Variants in WDFY4 observed in about 807,000 individuals in gnomAD.
WDFY4 encodes the protein WDFY family member 4, also known as WD repeat- and FYVE domain-containing protein 4.
In WDFY4, 169 loss-of-function variants were observed where a neutral mutation model predicts 351.9. The observed-to-expected ratio is 0.48, with a 90% CI of 0.42 to 0.55. The LOEUF (loss-of-function observed/expected upper bound fraction) is 0.55. Among genes scored for constraint, WDFY4 ranks in the 20% least tolerant of loss-of-function variants. The pLI, the probability that WDFY4 is intolerant of heterozygous loss-of-function variation, is 0.00. For synonymous variants in WDFY4, 1,622 were observed against 1,574.6 expected (o/e 1.03, Z -0.71); for missense variants, 3,803 against 3,935.6 (o/e 0.97, Z 0.90).
chr10:48,803,412 A>T, intron 25 of WDFY4, 53 bp downstream of exon 25: 1 of 1,533,266 alleles, frequency 6.5e-7, no homozygotes, highest in South Asian at 1.2e-5. Context: ...GAATGTCCAG[A>T]ACAGAGACAG....
At chr10:48,809,692 C>A (rs111318849) in intron 28 of WDFY4, among the ~76,000 whole-genome samples, 7,431 of 152,302 alleles carry the variant, frequency 0.049, 626 homozygotes, top group African/African-American at 0.17. Context: ...TCATCACCAT[C>A]ATTATCAACA....
At chr10:48,778,967 G>A in intron 18 of WDFY4, 135 bp downstream of exon 18, 2 of 983,870 alleles carry the variant, frequency 2.0e-6, no homozygotes, top group Non-Finnish European at 3.0e-6. Flanking sequence ...TTGCTCCCTT[G>A]GGTTCCATAC....
At chr10:48,751,553 G>T (rs1453210923) in intron 12 of WDFY4, among the ~76,000 whole-genome samples, 1 of 152,160 alleles carries the variant, frequency 6.6e-6, no homozygotes, top group Non-Finnish European at 1.5e-5. Flanking sequence ...TGATGAGAGT[G>T]TGAGAGAGAC....
At chr10:48,918,326 T>G (rs1838737631) in intron 47 of WDFY4, among the ~76,000 whole-genome samples, 1 of 152,184 alleles carries the variant, frequency 6.6e-6, no homozygotes, top group Non-Finnish European at 1.5e-5. Context: ...AATTGTATGT[T>G]GTCTATAAAG....
intron 60 of WDFY4, chr10:48,980,113 A>G (rs1042366845): frequency 5.9e-5 from 9 of 152,170 alleles, no homozygotes; most frequent in African/African-American, 2.2e-4. Context: ...CTGCCACCCC[A>G]TTGGACTGAC....
At chr10:48,721,114 A>G (rs2064071803) in intron 3 of WDFY4, 147 bp from the exon 4 acceptor site, 2 of 701,298 alleles carry the variant, frequency 2.9e-6, no homozygotes, top group Admixed American at 2.2e-5. Flanking sequence ...TTTGGTAGAG[A>G]TGCAGGTGGC....
chr10:48,844,806 G>A (rs2068721746), intron 39 of WDFY4, among the ~76,000 whole-genome samples: 1 of 152,224 alleles, frequency 6.6e-6, no homozygotes, highest in African/African-American at 2.4e-5. Context: ...TCAGATGACA[G>A]TGAGTAAAAC....
chr10:48,701,702 GA>G (rs1266720992), intron 1 of WDFY4, among the ~76,000 whole-genome samples: 1 of 152,154 alleles, frequency 6.6e-6, no homozygotes, highest in Non-Finnish European at 1.5e-5. Context: ...GTGGACTTTG[GA>G]GTCCGATGCA....
Position 48,943,393 on chromosome 10 carries a change from A to G in WDFY4, c.7693A>G (p.Asn2565Asp). ...YLNTAAGRTC[N>D]DYMQYPVFPW... ...CAACACCGCGGCTGGGAGAACCTGC[A>G]ATGACTACATGCAGTACCCAGTGTT... Residue 2565 changes from asparagine to aspartate, a missense_variant, in exon 49 of 62, where the codon AAT (asparagine) becomes GAT (aspartate). By Grantham distance (23) the Asn-to-Asp change is conservative. Coordinates refer to ENST00000325239, the MANE Select transcript of WDFY4 (RefSeq NM_001394531.1). 1 of 1,551,866 alleles carries G rather than the reference A, an allele frequency of 6.4e-7. No homozygotes were observed. Among genetic ancestry groups the G allele is most frequent in the East Asian group, 2.4e-5 (1 of 40,918 alleles).
intron 11 of WDFY4, among the ~76,000 whole-genome samples, chr10:48,741,635 T>TA: frequency 6.6e-6 from 1 of 152,108 alleles, no homozygotes; most frequent in East Asian, 1.9e-4. Flanking sequence ...CGTATCATAC[T>TA]ACAGACTGTT....
intron 1 of WDFY4, 48 bp from the exon 2 acceptor site, chr10:48,709,667 CA>C: frequency 6.8e-7 from 1 of 1,480,158 alleles, no homozygotes; most frequent in Non-Finnish European, 9.2e-7. Flanking sequence ...CCAGAATCAT[CA>C]GGAAGTGATG....
At position 48,913,975 on chromosome 10, in the gene WDFY4, G is replaced by T; in HGVS notation, c.7586+12112G>T. On this transcript the variant is annotated intron_variant, in intron 47 of 61. Transcript: ENST00000325239. ...ATGGAGTCAGGGATCTTCCTGATAAGATTCCGGCTAAGGTCCAGCTCGTCC... is the reference window on the plus strand; with the variant it reads ...ATGGAGTCAGGGATCTTCCTGATAATATTCCGGCTAAGGTCCAGCTCGTCC... The T allele has an allele frequency of 2.5e-6, 4 of 1,614,206 alleles. No homozygotes were observed. Among genetic ancestry groups the T allele is most frequent in the Non-Finnish European group, 3.4e-6 (4 of 1,180,036 alleles).
At chr10:48,871,389 G>A (rs1298009320) in intron 40 of WDFY4, among the ~76,000 whole-genome samples, 4 of 152,046 alleles carry the variant, frequency 2.6e-5, no homozygotes, top group Admixed American at 2.6e-4. Context: ...TCTGCCAAAC[G>A]AGTGTTCATT....
rs148741955 is a variant in WDFY4 at position 48,890,750 on chromosome 10, C to T, written c.7316+23C>T. On this transcript the variant is annotated intron_variant, in intron 44 of 61. Transcript: ENST00000325239. ...CAAGTGAGTTATCCACTTCTCCCAG[C>T]AGATTCTTCCCTGAGCCCCATTCAT... The T allele has an allele frequency of 1.1e-3, 1,639 of 1,551,294 alleles. 11 individuals carry two copies. The highest frequency in any genetic ancestry group is 9.7e-3 in the South Asian group (815 of 84,056).
At chr10:48,982,212 G>A (rs1438493642) in intron 61 of WDFY4, among the ~76,000 whole-genome samples, 2 of 152,208 alleles carry the variant, frequency 1.3e-5, no homozygotes, top group African/African-American at 4.8e-5. Context: ...TCTCTGGTGG[G>A]ACAGGAGACT....
At chr10:48,898,748 T>C (rs370558327) in intron 45 of WDFY4, among the ~76,000 whole-genome samples, 1 of 152,070 alleles carries the variant, frequency 6.6e-6, no homozygotes, top group South Asian at 2.1e-4. Context: ...TAGTTCTCAT[T>C]TTGCCTGAGC....
intron 39 of WDFY4, among the ~76,000 whole-genome samples, chr10:48,854,431 A>T (rs1055510149): frequency 4.6e-5 from 7 of 151,608 alleles, no homozygotes; most frequent in African/African-American, 1.7e-4. Context: ...TTTTCAACTG[A>T]TCTTATTAAT....
chr10:48,703,778 C>T (rs560581266), intron 1 of WDFY4, among the ~76,000 whole-genome samples: 1 of 152,350 alleles, frequency 6.6e-6, no homozygotes, highest in East Asian at 1.9e-4. Context: ...CCAGCAGTTG[C>T]TTCATGCTCC....
At chr10:48,728,829 G>C (rs149622670) in intron 7 of WDFY4, among the ~76,000 whole-genome samples, 218 of 152,338 alleles carry the variant, frequency 1.4e-3, no homozygotes, top group African/African-American at 5.1e-3. Context: ...GTGGAAGGCA[G>C]GAGAGGGGAC....
Sources: allele counts gnomAD v4.1 joint callset (sites outside exome capture counted in the v4.1 genomes callset), GRCh38; gene constraint gnomAD v4.1.1; transcripts MANE v1.5; gene names NCBI Gene and HGNC (gene_info 2026-07-23, HGNC 2026-07-21).